The following RBFOX1 variants were observed in gnomAD, a reference collection of about 807,000 sequenced individuals.
RBFOX1 encodes RNA binding protein fox-1 homolog 1.
In RBFOX1, 8 loss-of-function variants were observed where a neutral mutation model predicts 57.7. The ratio of observed to expected loss-of-function variants is 0.14; its 90% CI spans 0.08 to 0.25. The LOEUF is 0.25. Among genes scored for constraint, RBFOX1 ranks in the 10% least tolerant of loss-of-function variants. The pLI is 1.00. For missense variants in RBFOX1, 611 were observed against 548.5 expected, an observed-to-expected ratio of 1.11 and a Z score of -1.14; for synonymous variants, 326 against 222.4, an observed-to-expected ratio of 1.47 and a Z score of -4.15.
chr16:5,752,289 G>A (rs1351698129), intron 3 of RBFOX1, among the ~76,000 whole-genome samples: 1 of 152,182 alleles, frequency 6.6e-6, no homozygotes, highest in Admixed American at 6.5e-5. Flanking sequence ...GGATTGGAGG[G>A]TGGGAGGAGA....
At chr16:7,230,645 A>G (rs2093445049) in intron 4 of RBFOX1, among the ~76,000 whole-genome samples, 1 of 152,156 alleles carries the variant, frequency 6.6e-6, no homozygotes, top group African/African-American at 2.4e-5. Flanking sequence ...TCATTCTGGA[A>G]CTTGTTTGTG....
chr16:5,334,684 C>G (rs1271411133), intron 1 of RBFOX1, among the ~76,000 whole-genome samples: 3 of 151,850 alleles, frequency 2.0e-5, no homozygotes, highest in South Asian at 2.1e-4. Flanking sequence ...ATAATAAATA[C>G]AAAACGATTG....
At chr16:7,031,046 A>G (rs559248196) in intron 3 of RBFOX1, among the ~76,000 whole-genome samples, 26 of 152,188 alleles carry the variant, frequency 1.7e-4, no homozygotes, top group Non-Finnish European at 3.2e-4. Context: ...GAGATGGTGT[A>G]TGATGCTGAT....
rs185019353 is a variant in RBFOX1 at position 5,903,399 on chromosome 16, C to G, written c.351+36064C>G. On this transcript the variant is annotated intron_variant, in intron 4 of 19. Transcript: ENST00000641259. ...GACACTTCCTATTACTCAGTAGCAA[C>G]ATGACACAAAGCGGCTGGGCAGATC... is the stretch of plus-strand genomic sequence containing the variant. Among the ~76,000 whole-genome samples the G allele has an allele frequency of 4.6e-5, 7 of 152,236 alleles. No individual in the cohort carries two copies. In the East Asian group the frequency reaches 1.4e-3, roughly 29 times the overall value.
rs1000855238 is a variant in RBFOX1 at position 7,421,397 on chromosome 16, G to C, written c.28-96750G>C. 2.0e-5 allele frequency among the ~76,000 whole-genome samples: 3 copies of C among 152,100 alleles called. No homozygotes were observed. In the East Asian group the frequency reaches 5.8e-4, roughly 29 times the overall value. On this transcript the variant is annotated intron_variant, in intron 4 of 15. Coordinates refer to ENST00000550418, the MANE Select transcript of RBFOX1 (RefSeq NM_018723.4). Reference sequence around the variant, plus strand: ...AGTTTAATGGACACTTTTCCATCTAGGACTGTTTATATTCAGGCACCCATA... The same window carrying C: ...AGTTTAATGGACACTTTTCCATCTACGACTGTTTATATTCAGGCACCCATA...
chr16:6,871,819 C>G (rs1487889776), intron 3 of RBFOX1, among the ~76,000 whole-genome samples: 4 of 152,096 alleles, frequency 2.6e-5, no homozygotes, highest in Non-Finnish European at 5.9e-5. Context: ...CAGTGGCCCT[C>G]AAAGTGCAGT....
intron 5 of RBFOX1, among the ~76,000 whole-genome samples, chr16:7,528,972 C>T (rs760185848): frequency 3.9e-5 from 6 of 152,120 alleles, no homozygotes; most frequent in East Asian, 1.9e-4. Context: ...GGGTTGGAAA[C>T]GGAAGGCCAG....
intron 4 of RBFOX1, among the ~76,000 whole-genome samples, chr16:7,101,507 C>G (rs4619425): frequency 0.87 from 133,090 of 152,110 alleles, 58,643 homozygotes; most frequent in East Asian, 1. Flanking sequence ...AAGAGACCGG[C>G]TGTACCAAAG....
At chr16:5,658,106 G>A (rs139977212) in intron 3 of RBFOX1, among the ~76,000 whole-genome samples, 1 of 152,152 alleles carries the variant, frequency 6.6e-6, no homozygotes, top group South Asian at 2.1e-4. Flanking sequence ...CTGCTCTGTG[G>A]CTACAAGTCA....
chr16:6,917,263 C>T (rs1394027871), intron 3 of RBFOX1, among the ~76,000 whole-genome samples: 5 of 152,200 alleles, frequency 3.3e-5, no homozygotes, highest in Admixed American at 3.3e-4. Flanking sequence ...GAGTCTGTCC[C>T]AGCTACTGTT....
chr16:5,560,418 G>C (rs2045850137), intron 2 of RBFOX1, among the ~76,000 whole-genome samples: 1 of 152,110 alleles, frequency 6.6e-6, no homozygotes, highest in African/African-American at 2.4e-5. Flanking sequence ...CCCCAAGTTT[G>C]AGATGGCTTC....
intron 3 of RBFOX1, among the ~76,000 whole-genome samples, chr16:6,908,314 G>T (rs888150285): frequency 6.6e-6 from 1 of 151,590 alleles, no homozygotes; most frequent in Admixed American, 6.6e-5. Flanking sequence ...TCTGACCATG[G>T]CTTGGGCCTG....
chr16:6,769,748 C>G (rs1348674163), intron 3 of RBFOX1, among the ~76,000 whole-genome samples: 3 of 152,152 alleles, frequency 2.0e-5, no homozygotes, highest in East Asian at 1.9e-4. Flanking sequence ...GGGTACAAAT[C>G]TAACAAAGGC....
At chr16:6,923,445 G>A (rs139096454) in intron 3 of RBFOX1, among the ~76,000 whole-genome samples, 2 of 152,260 alleles carry the variant, frequency 1.3e-5, no homozygotes, top group East Asian at 3.9e-4. Context: ...AGGAAGGAGA[G>A]TTGCTGGAAA....
At chr16:6,619,625 G>C (rs8062885) in intron 2 of RBFOX1, among the ~76,000 whole-genome samples, 67,537 of 150,444 alleles carry the variant, frequency 0.45, 15,420 homozygotes, top group Admixed American at 0.49. Context: ...TTTGGTGTGC[G>C]TAAACCTGTG....
intron 11 of RBFOX1, among the ~76,000 whole-genome samples, chr16:7,644,786 C>T (rs1218057538): frequency 1.3e-5 from 2 of 152,134 alleles, no homozygotes; most frequent in African/African-American, 4.8e-5. Flanking sequence ...AAAAAGAAAA[C>T]AACAGGGTAA....
chr16:7,373,914 T>G (rs558416830), intron 4 of RBFOX1, among the ~76,000 whole-genome samples: 1 of 152,326 alleles, frequency 6.6e-6, no homozygotes, highest in South Asian at 2.1e-4. Flanking sequence ...AGCTTATAAC[T>G]TAGGCTCCTC....
chr16:7,142,984 C>T (rs1243403713), intron 4 of RBFOX1, among the ~76,000 whole-genome samples: 2 of 151,606 alleles, frequency 1.3e-5, no homozygotes, highest in Non-Finnish European at 2.9e-5. Flanking sequence ...GATATGACTC[C>T]AAAATTGGGA....
At chr16:5,961,025 A>T (rs895079931) in intron 4 of RBFOX1, among the ~76,000 whole-genome samples, 3 of 152,210 alleles carry the variant, frequency 2.0e-5, no homozygotes, top group Non-Finnish European at 4.4e-5. Flanking sequence ...TTTTCACGGC[A>T]TGAAGGTGAC....
Sources: gnomAD v4.1 joint callset for allele counts (sites outside exome capture counted in the v4.1 genomes callset) on GRCh38, gnomAD v4.1.1 for gene constraint, MANE v1.5 for transcripts, NCBI Gene and HGNC (gene_info 2026-07-23, HGNC 2026-07-21) for gene names.